UBE2QL1: variants seen among roughly 807,000 people sequenced by gnomAD.
UBE2QL1 encodes the protein ubiquitin conjugating enzyme E2 QL1.
In UBE2QL1, 5 loss-of-function variants were observed where a neutral mutation model predicts 12.6. That is an observed-to-expected ratio of 0.40 (90% CI 0.21 to 0.83). The LOEUF is 0.83. UBE2QL1 is among the 40% of genes least tolerant of loss of function. The pLI, the probability that UBE2QL1 is intolerant of heterozygous loss-of-function variation, is 0.37. For synonymous variants in UBE2QL1, 96 were observed against 94.5 expected (o/e 1.02, Z -0.10); for missense variants, 99 against 222.6 (o/e 0.44, Z 3.53).
Position 6,481,186 on chromosome 5 carries a change from G to A in UBE2QL1, c.355-10032G>A, listed in dbSNP as rs187645223. On this transcript the variant is annotated intron_variant, in intron 1 of 1. Coordinates refer to ENST00000399816, the MANE Select transcript of UBE2QL1 (RefSeq NM_001145161.3). This position sits in a 1 kb window ranked among gnomAD's most constrained non-coding sequence, Gnocchi z 4.5. ...GTGGCTGCACCTGCCCTAATTCCCCGTTTCTAGATTTCCTGCTTCTCCTCT... is the reference window on the plus strand; with the variant it reads ...GTGGCTGCACCTGCCCTAATTCCCCATTTCTAGATTTCCTGCTTCTCCTCT... 4.7e-4 allele frequency among the ~76,000 whole-genome samples: 71 copies of A among 152,154 alleles called. No homozygotes were observed. The highest frequency in any genetic ancestry group is 8.4e-4 in the Non-Finnish European group (57 of 68,008).
At chr5:6,463,637 A>ATTG (rs936034075) in intron 1 of UBE2QL1, among the ~76,000 whole-genome samples, 1 of 145,018 alleles carries the variant, frequency 6.9e-6, no homozygotes, top group Non-Finnish European at 1.5e-5. Flanking sequence ...TATTATTATT[A>ATTG]TTATTTTTGA....
intron 1 of UBE2QL1, among the ~76,000 whole-genome samples, chr5:6,461,933 G>A (rs555799051): frequency 4.6e-5 from 7 of 152,284 alleles, no homozygotes; most frequent in East Asian, 1.9e-4. Flanking sequence ...TAAGCCGCAG[G>A]CTCTCAGCCC....
chr5:6,472,206 T>G (rs560722510), intron 1 of UBE2QL1, among the ~76,000 whole-genome samples: 1 of 152,304 alleles, frequency 6.6e-6, no homozygotes, highest in South Asian at 2.1e-4. Flanking sequence ...TTTTCCAAGA[T>G]GTGAATTGAT....
intron 1 of UBE2QL1, among the ~76,000 whole-genome samples, chr5:6,457,646 G>A (rs1875454): frequency 0.3 from 45,908 of 151,880 alleles, 7,721 homozygotes; most frequent in East Asian, 0.51. Flanking sequence ...CAGCCTAAGA[G>A]GTAGGTGCTG....
rs1483646917 is a variant in UBE2QL1, at chr5:6,476,873, C to T, written c.355-14345C>T. On this transcript the variant is annotated intron_variant, in intron 1 of 1. Coordinates refer to ENST00000399816, the MANE Select transcript of UBE2QL1 (RefSeq NM_001145161.3). The surrounding 1 kb of genome is among the most constrained non-coding windows in gnomAD (Gnocchi z 4.9). ...TTCACAAGGACAGGAGTGGCCCCCT[C>T]TTGGCATAGAGAGAGTGGAAACATC... Among the ~76,000 whole-genome samples, 1 of 152,188 alleles carries T rather than the reference C, an allele frequency of 6.6e-6. No homozygotes were observed. Among genetic ancestry groups the T allele is most frequent in the Non-Finnish European group, 1.5e-5 (1 of 68,026 alleles).
chr5:6,484,665 C>T (rs568155831), intron 1 of UBE2QL1, among the ~76,000 whole-genome samples: 1 of 152,088 alleles, frequency 6.6e-6, no homozygotes. Context: ...AGCAGTCTCC[C>T]GGGTTGCACT....
intron 1 of UBE2QL1, among the ~76,000 whole-genome samples, chr5:6,482,987 G>T (rs766196317): frequency 6.6e-6 from 1 of 152,164 alleles, no homozygotes; most frequent in African/African-American, 2.4e-5. Flanking sequence ...CCGTGGTTGC[G>T]CACCACCCAC....
chr5:6,482,787 C>T (rs1734388090), intron 1 of UBE2QL1, among the ~76,000 whole-genome samples: 1 of 152,202 alleles, frequency 6.6e-6, no homozygotes. Flanking sequence ...CTGCGGTGCA[C>T]ATGGTCAGGA....
At chr5:6,456,630 C>T (rs1008715157) in intron 1 of UBE2QL1, among the ~76,000 whole-genome samples, 1 of 152,206 alleles carries the variant, frequency 6.6e-6, no homozygotes, top group African/African-American at 2.4e-5. Context: ...ACTGTAGTGA[C>T]GTTGCCCTTG....
chr5:6,486,465 A>T (rs908685931), intron 1 of UBE2QL1, among the ~76,000 whole-genome samples: 2 of 152,024 alleles, frequency 1.3e-5, no homozygotes, highest in Non-Finnish European at 2.9e-5. Context: ...ACACCTGCCC[A>T]CCTATGTCTC....
intron 1 of UBE2QL1, among the ~76,000 whole-genome samples, chr5:6,462,453 A>AT (rs1236284513): frequency 6.6e-6 from 1 of 152,162 alleles, no homozygotes; most frequent in Non-Finnish European, 1.5e-5. Flanking sequence ...CTGTGTTCTC[A>AT]TGCTCCCGAG....
chr5:6,473,466 C>T (rs192823307), intron 1 of UBE2QL1, among the ~76,000 whole-genome samples: 3 of 152,362 alleles, frequency 2.0e-5, no homozygotes, highest in African/African-American at 7.2e-5. Flanking sequence ...CCGGAACACA[C>T]ACGCCTCCTT....
At position 6,469,121 on chromosome 5, in the gene UBE2QL1, G is replaced by A. The variant is rs573891881; in HGVS notation, c.354+19874G>A. Among the ~76,000 whole-genome samples the A allele has an allele frequency of 7.2e-5, 11 of 152,304 alleles. No individual in the cohort carries two copies. In the East Asian group the frequency reaches 7.7e-4, roughly 11 times the overall value. ...TCTTGAACTCTGCAAGAGCAGGGCCGACTTGGTTTCCTCCACCAGCATTGA... is the reference window on the plus strand; with the variant it reads ...TCTTGAACTCTGCAAGAGCAGGGCCAACTTGGTTTCCTCCACCAGCATTGA... On this transcript the variant is annotated intron_variant, in intron 1 of 1. Coordinates refer to ENST00000399816, the MANE Select transcript of UBE2QL1 (RefSeq NM_001145161.3).
chr5:6,485,093 CAAAT>C (rs1734438006), intron 1 of UBE2QL1, among the ~76,000 whole-genome samples: 1 of 152,184 alleles, frequency 6.6e-6, no homozygotes, highest in East Asian at 1.9e-4. Flanking sequence ...CACAAACACA[CAAAT>C]GAACACACGT....
At chr5:6,489,448 A>T (rs1191999463) in intron 1 of UBE2QL1, among the ~76,000 whole-genome samples, 1 of 151,744 alleles carries the variant, frequency 6.6e-6, no homozygotes, top group Admixed American at 6.6e-5. Flanking sequence ...AAAAAGAAAA[A>T]TTTTTTAAAA....
chr5:6,476,303 T>G lies in UBE2QL1; in HGVS notation c.355-14915T>G, dbSNP rs1004505862. Among the ~76,000 whole-genome samples the G allele has an allele frequency of 6.6e-6, 1 of 152,358 alleles. No individual in the cohort carries two copies. The highest frequency in any genetic ancestry group is 1.9e-4 in the East Asian group (1 of 5,174). On this transcript the variant is annotated intron_variant, in intron 1 of 1. Transcript: ENST00000399816. This position sits in a 1 kb window ranked among gnomAD's most constrained non-coding sequence, Gnocchi z 4.9. ...GCATAAAGCAGTCAACGCGGTGCCC[T>G]CAGGGCAAATGCACCAAGCATGGTT...
rs912153364 is a variant in UBE2QL1 at position 6,476,545 on chromosome 5, G to T, written c.355-14673G>T. ...GACCTCAAAACGGAAACACCTGGGG[G>T]GCTCGGTTAAAGAGCCACATGCGGC... On this transcript the variant is annotated intron_variant, in intron 1 of 1. Coordinates refer to ENST00000399816, the MANE Select transcript of UBE2QL1 (RefSeq NM_001145161.3). This position sits in a 1 kb window ranked among gnomAD's most constrained non-coding sequence, Gnocchi z 4.9. Among the ~76,000 whole-genome samples, 3 of 152,074 alleles carry T rather than the reference G, an allele frequency of 2.0e-5. No individual in the cohort carries two copies. The highest frequency in any genetic ancestry group is 4.4e-5 in the Non-Finnish European group (3 of 68,010).
rs1478272328 is a variant in UBE2QL1 at position 6,492,494 on chromosome 5, G to A, written c.*1145G>A. On this transcript the variant is annotated 3_prime_UTR_variant, in exon 2 of 2. Coordinates refer to ENST00000399816, the MANE Select transcript of UBE2QL1 (RefSeq NM_001145161.3). Reference sequence around the variant, plus strand: ...CTTTCTAAGAAACTCCATGAAATGAGGAAATACTGTTTCTAATAATATGAG... The same window carrying A: ...CTTTCTAAGAAACTCCATGAAATGAAGAAATACTGTTTCTAATAATATGAG... The A allele has an allele frequency of 2.0e-5, 3 of 152,112 alleles. No individual in the cohort carries two copies. 9.4% of individuals were successfully genotyped at this position (152,112 alleles called of 1,614,324 possible).
chr5:6,452,909 G>A (rs1390810426), intron 1 of UBE2QL1, among the ~76,000 whole-genome samples: 1 of 152,170 alleles, frequency 6.6e-6, no homozygotes, highest in East Asian at 1.9e-4. Flanking sequence ...TCAGAGCCCT[G>A]CTTTCACTGT....
Sources: allele counts gnomAD v4.1 joint callset (sites outside exome capture counted in the v4.1 genomes callset), GRCh38; gene constraint gnomAD v4.1.1; non-coding constraint Gnocchi (gnomAD v3.1); transcripts MANE v1.5; gene names NCBI Gene and HGNC (gene_info 2026-07-23, HGNC 2026-07-21).